KCNT2: variants seen among roughly 807,000 people sequenced by gnomAD.
The protein encoded by KCNT2 is potassium channel subfamily T member 2.
Under a neutral mutation model 153.8 loss-of-function variants are expected in KCNT2, and 67 were observed. The observed-to-expected ratio is 0.44, with a 90% CI of 0.36 to 0.53. The LOEUF (loss-of-function observed/expected upper bound fraction) is 0.53. Among genes scored for constraint, KCNT2 ranks in the 20% least tolerant of loss-of-function variants. KCNT2 has a pLI of 0.00. For missense variants in KCNT2, 975 were observed against 1,354.8 expected, an observed-to-expected ratio of 0.72 and a Z score of 4.40; for synonymous variants, 500 against 458.8, an observed-to-expected ratio of 1.09 and a Z score of -1.15.
At chr1:196,586,981 G>A (rs1037461936) in intron 1 of KCNT2, among the ~76,000 whole-genome samples, 6 of 152,000 alleles carry the variant, frequency 3.9e-5, no homozygotes, top group Non-Finnish European at 5.9e-5. Flanking sequence ...CATTCAAATG[G>A]ACTGAGTTTA....
intron 22 of KCNT2, among the ~76,000 whole-genome samples, chr1:196,291,812 G>C (rs1660212736): frequency 2.0e-5 from 3 of 152,122 alleles, no homozygotes; most frequent in South Asian, 2.1e-4. Flanking sequence ...CATAGGTCAT[G>C]GTAGCAACTG....
At chr1:196,232,175 C>T (rs147630701) in intron 27 of KCNT2, among the ~76,000 whole-genome samples, 23 of 151,838 alleles carry the variant, frequency 1.5e-4, no homozygotes, top group Non-Finnish European at 2.5e-4. Flanking sequence ...ATGCACACTG[C>T]TTTATAGTTA....
intron 8 of KCNT2, among the ~76,000 whole-genome samples, chr1:196,464,214 C>T (rs1677403488): frequency 6.6e-6 from 1 of 151,640 alleles, no homozygotes; most frequent in Non-Finnish European, 1.5e-5. Context: ...CATATTAATG[C>T]AGTTAGATAA....
At chr1:196,248,880 C>T (rs1321364874) in intron 26 of KCNT2, among the ~76,000 whole-genome samples, 3 of 152,166 alleles carry the variant, frequency 2.0e-5, no homozygotes, top group African/African-American at 7.2e-5. Flanking sequence ...AGGCCAATAT[C>T]TCTGATGAAC....
chr1:196,329,973 A>ATATG (rs1484781230), intron 18 of KCNT2, among the ~76,000 whole-genome samples: 11 of 136,890 alleles, frequency 8.0e-5, no homozygotes, highest in Admixed American at 5.8e-4. Context: ...ATATATATAT[A>ATATG]TATATATATA....
chr1:196,492,625 T>A (rs1282228621), intron 1 of KCNT2, among the ~76,000 whole-genome samples: 1 of 152,148 alleles, frequency 6.6e-6, no homozygotes, highest in African/African-American at 2.4e-5. Context: ...TTTGTATTAA[T>A]GAATATAATG....
intron 1 of KCNT2, among the ~76,000 whole-genome samples, chr1:196,544,034 C>G (rs895255356): frequency 9.2e-5 from 14 of 152,068 alleles, no homozygotes; most frequent in African/African-American, 1.9e-4. Context: ...ACATCTGCAC[C>G]ATGGGATACC....
rs142479837 is a variant in KCNT2 at position 196,345,865 on chromosome 1, G to T, written c.1404-3637C>A. ...TATACATATAGATAACAGTGAAAAT[G>T]CAAGTCCCAGTGCTTACAAGACATC... is the stretch of plus-strand genomic sequence containing the variant. On this transcript the variant is annotated intron_variant, in intron 14 of 27. Coordinates refer to ENST00000294725, the MANE Select transcript of KCNT2 (RefSeq NM_198503.5). Among the ~76,000 whole-genome samples the T allele has an allele frequency of 2.8e-4, 42 of 152,234 alleles. No homozygotes were observed. In the East Asian group the frequency reaches 7.9e-3, roughly 29 times the overall value.
intron 1 of KCNT2, among the ~76,000 whole-genome samples, chr1:196,526,335 A>G (rs1293238906): frequency 6.6e-6 from 1 of 150,842 alleles, no homozygotes; most frequent in East Asian, 1.9e-4. Context: ...AAATGCACAC[A>G]TACACAGTCC....
chr1:196,446,798 G>C (rs1428404031), intron 8 of KCNT2, among the ~76,000 whole-genome samples: 3 of 151,462 alleles, frequency 2.0e-5, no homozygotes, highest in Non-Finnish European at 4.4e-5. Context: ...TTCCAAATAA[G>C]ATGAAATTTA....
intron 25 of KCNT2, among the ~76,000 whole-genome samples, chr1:196,261,531 G>T (rs369673974): frequency 6.6e-6 from 1 of 151,776 alleles, no homozygotes; most frequent in Admixed American, 6.6e-5. Context: ...AAAATAATAC[G>T]AAATAATTAT....
intron 1 of KCNT2, among the ~76,000 whole-genome samples, chr1:196,547,019 A>T (rs1282364180): frequency 6.6e-6 from 1 of 152,010 alleles, no homozygotes; most frequent in East Asian, 1.9e-4. Flanking sequence ...TACAAGAATT[A>T]TCTACAGGAT....
chr1:196,412,675 A>G (rs927013339), intron 12 of KCNT2, among the ~76,000 whole-genome samples: 3 of 151,672 alleles, frequency 2.0e-5, no homozygotes, highest in African/African-American at 7.2e-5. Flanking sequence ...TATGGTAATC[A>G]ACACATAAAA....
At chr1:196,333,665 G>C (rs1377776691) in intron 17 of KCNT2, among the ~76,000 whole-genome samples, 182 bp downstream of exon 17, 2 of 152,032 alleles carry the variant, frequency 1.3e-5, no homozygotes, top group Non-Finnish European at 1.5e-5. Flanking sequence ...ATAATGCTCT[G>C]CAGTCAAAAG....
At chr1:196,475,749 C>T (rs1425637672) in intron 5 of KCNT2, among the ~76,000 whole-genome samples, 30 of 152,050 alleles carry the variant, frequency 2.0e-4, no homozygotes, top group Admixed American at 1.8e-3. Flanking sequence ...GTTGAAGGGA[C>T]CAAAGAGATT....
chr1:196,432,538 A>T (rs1235090456), intron 8 of KCNT2, among the ~76,000 whole-genome samples: 1 of 152,164 alleles, frequency 6.6e-6, no homozygotes. Flanking sequence ...ACATGGAGTC[A>T]AAAAGTATTC....
chr1:196,402,715 A>G (rs1012007597), intron 12 of KCNT2, among the ~76,000 whole-genome samples: 2 of 151,670 alleles, frequency 1.3e-5, no homozygotes, highest in African/African-American at 4.8e-5. Flanking sequence ...GTTGAAACAC[A>G]AAGATGTAGA....
intron 14 of KCNT2, among the ~76,000 whole-genome samples, chr1:196,362,095 T>C (rs1667675434): frequency 6.6e-6 from 1 of 152,140 alleles, no homozygotes; most frequent in African/African-American, 2.4e-5. Context: ...ATAGTTCATT[T>C]GAGCATGCTC....
intron 25 of KCNT2, among the ~76,000 whole-genome samples, chr1:196,260,995 A>C (rs1656967962): frequency 1.3e-5 from 2 of 151,522 alleles, no homozygotes; most frequent in Non-Finnish European, 3.0e-5. Flanking sequence ...ACAAACGTTT[A>C]TTACTCTATT....
Sources: allele counts gnomAD v4.1 joint callset (sites outside exome capture counted in the v4.1 genomes callset), GRCh38; gene constraint gnomAD v4.1.1; transcripts MANE v1.5; gene names NCBI Gene and HGNC (gene_info 2026-07-23, HGNC 2026-07-21).